The following PRDM10 variants were observed in gnomAD, a reference collection of about 807,000 sequenced individuals.
PRDM10 encodes PR domain zinc finger protein 10.
Under a neutral mutation model 133.1 loss-of-function variants are expected in PRDM10, and 65 were observed. That is an observed-to-expected ratio of 0.49 (90% CI 0.40 to 0.60). The LOEUF is 0.60. PRDM10 is among the 20% of genes least tolerant of loss of function. The pLI is 0.00. For synonymous variants in PRDM10, 582 were observed against 580.4 expected (o/e 1.00, Z -0.04); for missense variants, 1,137 against 1,507.1 (o/e 0.75, Z 4.07).
At chr11:129,927,862 T>C (rs760418989) in intron 11 of PRDM10, among the ~76,000 whole-genome samples, 2 of 152,174 alleles carry the variant, frequency 1.3e-5, no homozygotes, top group African/African-American at 2.4e-5. Context: ...CCACAACCCG[T>C]ACACATTTCT....
intron 1 of PRDM10, among the ~76,000 whole-genome samples, chr11:129,966,720 GA>G (rs748607291): frequency 2.0e-4 from 30 of 152,186 alleles, no homozygotes; most frequent in Admixed American, 3.3e-4. Flanking sequence ...TTATTACTGA[GA>G]TTCACGGGGA....
chr11:129,996,806 CTGTGTGCTTTGTTAT>C (rs1268476630), intron 1 of PRDM10, among the ~76,000 whole-genome samples: 24 of 115,730 alleles, frequency 2.1e-4, no homozygotes, highest in African/African-American at 9.5e-4. Flanking sequence ...CCATTTAGAA[CTGTGTGCTTTGTTAT>C]TGAGCCATTT....
At chr11:129,999,241 G>A (rs925123889) in intron 1 of PRDM10, among the ~76,000 whole-genome samples, 1 of 152,086 alleles carries the variant, frequency 6.6e-6, no homozygotes, top group Non-Finnish European at 1.5e-5. Context: ...CACCAATGAG[G>A]GCCAAAATAA....
Position 129,944,942 on chromosome 11 carries a change from G to C in PRDM10, c.591C>G (p.Asn197Lys). Reference protein sequence around the residue: ...PKHGPLHPIPNRPVLTRARAS... With the variant: ...PKHGPLHPIPKRPVLTRARAS... The stretch of plus-strand genomic sequence containing the variant: ...CCCTGGCCCGGGTGAGCACCGGCCG[G>C]TTGGGGATCGGGTGCAAGGGGCCGT... The change falls in exon 6 of 21, where the codon AAC becomes AAG. Residue 197 changes from asparagine to lysine, a missense_variant. Asn to Lys is a moderately conservative substitution (Grantham distance 94). Around this residue, in one of 6 missense-constraint regions of PRDM10, gnomAD observed 635 missense variants for 835.2 expected, o/e 0.76. Coordinates refer to ENST00000360871, the MANE Select transcript of PRDM10 (RefSeq NM_199437.2). 1 of 1,613,834 alleles carries C rather than the reference G, an allele frequency of 6.2e-7. No homozygotes were observed. Among genetic ancestry groups the C allele is most frequent in the Middle Eastern group, 1.7e-4 (1 of 6,056 alleles).
At chr11:129,980,861 GTTTTTTTTTTTTTTTT>G (rs60735364) in intron 1 of PRDM10, among the ~76,000 whole-genome samples, 4 of 102,154 alleles carry the variant, frequency 3.9e-5, no homozygotes, top group African/African-American at 1.6e-4. Context: ...GACATTTCTG[GTTTTTTTTTTTTTTTT>G]TTTTTTTTTT....
At chr11:130,000,974 G>A (rs1939331314) in intron 1 of PRDM10, among the ~76,000 whole-genome samples, 1 of 152,126 alleles carries the variant, frequency 6.6e-6, no homozygotes, top group African/African-American at 2.4e-5. Flanking sequence ...AGGCGTGGTG[G>A]TGCACGCCTG....
At position 129,940,081 on chromosome 11, in the gene PRDM10, C is replaced by T. The variant is rs141031608; in HGVS notation, c.966+2345G>A. 4.9e-3 allele frequency among the ~76,000 whole-genome samples: 748 copies of T among 152,354 alleles called. 2 individuals carry two copies. Among genetic ancestry groups the T allele is most frequent in the Non-Finnish European group, 7.8e-3 (528 of 68,034 alleles). On this transcript the variant is annotated intron_variant, in intron 7 of 20. Transcript: ENST00000360871. ...TGCAGGAAAAAGAATTCAGGCTCTG[C>T]ACACAAAGTGGTTTATACCTCAACC...
chr11:130,001,801 G>A (rs1939400535), intron 1 of PRDM10, among the ~76,000 whole-genome samples: 1 of 152,102 alleles, frequency 6.6e-6, no homozygotes, highest in African/African-American at 2.4e-5. Flanking sequence ...TCTCCCGAGC[G>A]CCGACCGGCC....
At chr11:129,976,231 C>T (rs7104959) in intron 1 of PRDM10, among the ~76,000 whole-genome samples, 12,022 of 152,094 alleles carry the variant, frequency 0.079, 1,269 homozygotes, top group African/African-American at 0.25. Flanking sequence ...ATCTCTGACC[C>T]GATTCACCTT....
chr11:129,932,846 G>A lies in PRDM10; in HGVS notation c.1158-615C>T, dbSNP rs573486807. ...AGTGATGTAATCATGGCTCACTGTG[G>A]CCTCAACCACCTGGGCTCAAGCGAT... On this transcript the variant is annotated intron_variant, in intron 9 of 20. Transcript: ENST00000360871. Among the ~76,000 whole-genome samples, 3 of 152,066 alleles carry A rather than the reference G, an allele frequency of 2.0e-5. No homozygotes were observed. In the South Asian group the frequency reaches 6.2e-4, roughly 32 times the overall value.
intron 1 of PRDM10, among the ~76,000 whole-genome samples, chr11:129,996,840 G>A (rs1939092240): frequency 6.6e-6 from 1 of 152,162 alleles, no homozygotes; most frequent in South Asian, 2.1e-4. Context: ...TTATACAATT[G>A]TGGTGAGTGA....
At chr11:129,948,434 T>C (rs1372644708) in intron 4 of PRDM10, among the ~76,000 whole-genome samples, 1 of 152,204 alleles carries the variant, frequency 6.6e-6, no homozygotes, top group Non-Finnish European at 1.5e-5. Context: ...AGTTTCCCAG[T>C]GAACCGCCTT....
chr11:129,990,241 G>A (rs947293827), intron 1 of PRDM10, among the ~76,000 whole-genome samples: 1 of 152,066 alleles, frequency 6.6e-6, no homozygotes, highest in Non-Finnish European at 1.5e-5. Context: ...AGCTACTCGG[G>A]AGGCTGAGGC....
intron 1 of PRDM10, among the ~76,000 whole-genome samples, chr11:129,977,533 C>T (rs547145445): frequency 4.4e-4 from 67 of 152,282 alleles, no homozygotes; most frequent in African/African-American, 1.6e-3. Flanking sequence ...CTGCCCGCCT[C>T]GGCCTCCCAA....
At chr11:129,943,964 C>T (rs1299564171) in intron 6 of PRDM10, among the ~76,000 whole-genome samples, 1 of 151,982 alleles carries the variant, frequency 6.6e-6, no homozygotes, top group Non-Finnish European at 1.5e-5. Flanking sequence ...TGCACTTCAG[C>T]CTGGCAACAG....
At chr11:129,967,200 C>T (rs950618208) in intron 1 of PRDM10, among the ~76,000 whole-genome samples, 1 of 151,964 alleles carries the variant, frequency 6.6e-6, no homozygotes, top group African/African-American at 2.4e-5. Context: ...ACCAGCCTGG[C>T]CAACATGGTG....
chr11:130,000,101 T>C lies in PRDM10; in HGVS notation c.-119+2621A>G, dbSNP rs918700248. ...TCTTGTTGCCCAGGCTGGAGTGCAA[T>C]GGCCCGATCTCAGCTCACTGTAAAC... is the stretch of plus-strand genomic sequence containing the variant. On this transcript the variant is annotated intron_variant, in intron 1 of 20. Coordinates refer to ENST00000360871, the MANE Select transcript of PRDM10 (RefSeq NM_199437.2). Among the ~76,000 whole-genome samples, 3 of 149,876 alleles carry C rather than the reference T, an allele frequency of 2.0e-5. 1 individual carries two copies. Among genetic ancestry groups the C allele is most frequent in the Middle Eastern group, 7.2e-3 (2 of 278 alleles).
chr11:129,986,547 C>T (rs896797938), intron 1 of PRDM10, among the ~76,000 whole-genome samples: 13 of 152,176 alleles, frequency 8.5e-5, no homozygotes, highest in African/African-American at 2.6e-4. Context: ...GCACCATGGC[C>T]GGCTAATTTT....
At chr11:129,950,382 G>A (rs1345637982) in intron 4 of PRDM10, among the ~76,000 whole-genome samples, 8 of 152,300 alleles carry the variant, frequency 5.3e-5, no homozygotes, top group East Asian at 3.9e-4. Flanking sequence ...AACTGCATCC[G>A]CACACTTAAC....
Sources: gnomAD v4.1 joint callset for allele counts (sites outside exome capture counted in the v4.1 genomes callset) on GRCh38, gnomAD v4.1.1 for gene constraint, gnomAD v4.1.1 regional missense constraint, MANE v1.5 for transcripts, NCBI Gene and HGNC (gene_info 2026-07-23, HGNC 2026-07-21) for gene names.